Variants in DCAF6 observed in about 807,000 individuals in gnomAD.
The protein encoded by DCAF6 is DDB1- and CUL4-associated factor 6.
A neutral mutation model predicts 125.1 loss-of-function variants in DCAF6; 54 were observed. That is an observed-to-expected ratio of 0.43 (90% CI 0.35 to 0.54). The LOEUF is 0.54. DCAF6 is among the 20% of genes least tolerant of loss of function. The pLI, the probability that DCAF6 is intolerant of heterozygous loss-of-function variation, is 0.01. For synonymous variants in DCAF6, 371 were observed against 390.4 expected (o/e 0.95, Z 0.58); for missense variants, 934 against 1,161.7 (o/e 0.80, Z 2.85).
At chr1:167,956,814 T>G (rs1423472006) in intron 2 of DCAF6, among the ~76,000 whole-genome samples, 1 of 152,184 alleles carries the variant, frequency 6.6e-6, no homozygotes, top group Non-Finnish European at 1.5e-5. Flanking sequence ...ATTTCTTCTT[T>G]GACCATCTGT....
chr1:167,930,291 A>C, the DCAF6 span, among the ~76,000 whole-genome samples: 1 of 152,332 alleles, frequency 6.6e-6, no homozygotes, highest in East Asian at 1.9e-4. Context: ...GCTAAGATGC[A>C]TTGTAGGGAT....
chr1:167,925,691 C>T, the DCAF6 span, among the ~76,000 whole-genome samples: 288 of 151,218 alleles, frequency 1.9e-3, 2 homozygotes, highest in African/African-American at 6.8e-3. Flanking sequence ...GGATTACAGG[C>T]GCCTGCCACC....
At chr1:167,964,325 C>G (rs912727453) in intron 2 of DCAF6, among the ~76,000 whole-genome samples, 1 of 152,098 alleles carries the variant, frequency 6.6e-6, no homozygotes, top group African/African-American at 2.4e-5. Context: ...GTACAGTATT[C>G]TAGGTTGGTT....
intron 21 of DCAF6, among the ~76,000 whole-genome samples, chr1:168,073,062 G>A (rs1693325264): frequency 6.6e-6 from 1 of 152,188 alleles, no homozygotes; most frequent in Non-Finnish European, 1.5e-5. Flanking sequence ...TGTAGTCCCA[G>A]CTACTCGGGA....
At chr1:167,899,298 G>C in the DCAF6 span, 1 of 951,302 alleles carries the variant, frequency 1.1e-6, no homozygotes, top group Non-Finnish European at 1.7e-6. Flanking sequence ...GCCTAACCCA[G>C]ACTGACCCCA....
chr1:168,046,759 A>G (rs1290845239), intron 16 of DCAF6, among the ~76,000 whole-genome samples: 1 of 152,164 alleles, frequency 6.6e-6, no homozygotes, highest in Non-Finnish European at 1.5e-5. Flanking sequence ...AATTTCCAAA[A>G]TCAAACTGAT....
At chr1:167,894,001 T>C in the DCAF6 span, 11 of 1,174,260 alleles carry the variant, frequency 9.4e-6, no homozygotes, top group Admixed American at 3.5e-5. Context: ...GCAGTGCTAG[T>C]GAGAGGAGGC....
At chr1:167,963,384 T>C (rs1171158754) in intron 2 of DCAF6, among the ~76,000 whole-genome samples, 1 of 152,034 alleles carries the variant, frequency 6.6e-6, no homozygotes, top group Admixed American at 6.6e-5. Context: ...TCTTTGTTCC[T>C]TGTTCCTATT....
chr1:168,075,494 T>A lies in DCAF6; in HGVS notation c.*59T>A, dbSNP rs1205902989. The A allele has an allele frequency of 6.9e-7, 1 of 1,452,130 alleles. No homozygotes were observed. 90.0% of individuals were successfully genotyped at this position (1,452,130 alleles called of 1,614,324 possible). On this transcript the variant is annotated 3_prime_UTR_variant, in exon 22 of 22. Transcript: ENST00000367840. ...AAATTTGTATAAGACATTTATTATA[T>A]TTTTTTCTTTACAGAGCTTTAGTGC... is the stretch of plus-strand genomic sequence containing the variant.
At chr1:167,977,969 A>G (rs936153607) in intron 4 of DCAF6, among the ~76,000 whole-genome samples, 8 of 152,124 alleles carry the variant, frequency 5.3e-5, no homozygotes, top group Admixed American at 3.3e-4. Flanking sequence ...CTGTTTTTGA[A>G]CGTTATATAA....
the DCAF6 span, chr1:167,880,006 T>C: frequency 1.1e-6 from 1 of 922,686 alleles, no homozygotes; most frequent in Non-Finnish European, 1.7e-6. Flanking sequence ...CTAAAGTTTC[T>C]GAGGGCAGGG....
the DCAF6 span, among the ~76,000 whole-genome samples, chr1:167,874,013 G>C: frequency 6.6e-6 from 1 of 152,142 alleles, no homozygotes; most frequent in Non-Finnish European, 1.5e-5. Context: ...TTGAAAAATA[G>C]GTGAAAAATT....
intron 4 of DCAF6, among the ~76,000 whole-genome samples, chr1:167,980,059 T>C (rs1314546949): frequency 6.6e-6 from 1 of 151,950 alleles, no homozygotes; most frequent in East Asian, 1.9e-4. Flanking sequence ...CATGTGCCTA[T>C]AGTCCCAGTT....
chr1:167,870,638 CAAAAAA>C, the DCAF6 span, among the ~76,000 whole-genome samples: 1 of 93,782 alleles, frequency 1.1e-5, no homozygotes, highest in Non-Finnish European at 2.0e-5. Flanking sequence ...ACTGAAAATA[CAAAAAA>C]AAAAAAAAAA....
At chr1:168,069,688 A>G (rs1324928761) in intron 21 of DCAF6, among the ~76,000 whole-genome samples, 2 of 152,190 alleles carry the variant, frequency 1.3e-5, no homozygotes, top group East Asian at 3.9e-4. Flanking sequence ...TAATCCTCAA[A>G]TGTAAATATT....
rs75405077 is a variant in DCAF6 at position 168,023,225 on chromosome 1, A to G, written c.1609+178A>G. 1,716 of 636,008 alleles carry G rather than the reference A, an allele frequency of 2.7e-3. 20 individuals carry two copies. In the African/African-American group the frequency reaches 0.028, roughly 10 times the overall value. 39.4% of individuals were successfully genotyped at this position (636,008 alleles called of 1,614,324 possible). ...CATAAAAGGTCTTTTTGGCCTATAC[A>G]GATTATTTTCTATGTAAGCTCATTT... On this transcript the variant is annotated intron_variant, in intron 12 of 21. Coordinates refer to ENST00000367840, the MANE Select transcript of DCAF6 (RefSeq NM_001198956.2).
chr1:167,882,697 TGTAGTGAGAGGTAGCCCAGC>T, the DCAF6 span, among the ~76,000 whole-genome samples: 46,432 of 151,620 alleles, frequency 0.31, 7,393 homozygotes, highest in Middle Eastern at 0.38. Flanking sequence ...GAGACTTATG[TGTAGTGAGAGGTAGCCCAGC>T]GTAGTGAGAG....
chr1:168,007,023 C>CAAAAAATGTACAAA (rs1275067497), intron 10 of DCAF6, among the ~76,000 whole-genome samples: 5 of 152,202 alleles, frequency 3.3e-5, no homozygotes, highest in African/African-American at 1.2e-4. Context: ...TCCAGCTGTA[C>CAAAAAATGTACAAA]AAAATGACTA....
chr1:167,901,076 G>C, the DCAF6 span, among the ~76,000 whole-genome samples: 47 of 152,254 alleles, frequency 3.1e-4, no homozygotes, highest in Middle Eastern at 3.4e-3. Flanking sequence ...TGTATCTCAG[G>C]ACTGTCATAT....
Sources: allele counts gnomAD v4.1 joint callset (sites outside exome capture counted in the v4.1 genomes callset), GRCh38; gene constraint gnomAD v4.1.1; transcripts MANE v1.5; gene names NCBI Gene and HGNC (gene_info 2026-07-23, HGNC 2026-07-21).